Variants in ADRA1A observed in about 807,000 individuals in gnomAD.
The protein encoded by ADRA1A is alpha-1A adrenergic receptor.
Under a neutral mutation model 29.6 loss-of-function variants are expected in ADRA1A, and 31 were observed. The observed-to-expected ratio is 1.05, with a 90% CI of 0.79 to 1.41. The LOEUF (loss-of-function observed/expected upper bound fraction) is 1.41. Ranked by LOEUF, ADRA1A falls within the 40% of genes most tolerant of loss-of-function variation. ADRA1A has a pLI of 0.00. For missense variants in ADRA1A, 619 were observed against 601.1 expected (o/e 1.03, Z -0.31); for synonymous variants, 311 against 254.3 (o/e 1.22, Z -2.12).
At chr8:26,837,842 A>C (rs1388085802) in intron 2 of ADRA1A, among the ~76,000 whole-genome samples, 1 of 152,138 alleles carries the variant, frequency 6.6e-6, no homozygotes, top group Non-Finnish European at 1.5e-5. Flanking sequence ...GAAGCTCAGT[A>C]CCTCCCATGT....
intron 2 of ADRA1A, among the ~76,000 whole-genome samples, chr8:26,802,453 G>A (rs915122983): frequency 1.1e-4 from 16 of 152,214 alleles, no homozygotes; most frequent in South Asian, 6.2e-4. Context: ...ACATACAAAT[G>A]GCAAACAGGC....
At chr8:26,807,046 CTT>C (rs1194074203) in intron 2 of ADRA1A, among the ~76,000 whole-genome samples, 2 of 152,204 alleles carry the variant, frequency 1.3e-5, no homozygotes, top group African/African-American at 4.8e-5. Context: ...TCCAGTAACT[CTT>C]GGCTTATCAA....
chr8:26,763,228 TC>T (rs1302257437), downstream of ADRA1A, among the ~76,000 whole-genome samples: 1 of 152,168 alleles, frequency 6.6e-6, no homozygotes, highest in Non-Finnish European at 1.5e-5. This position sits in a 1 kb window ranked among gnomAD's most constrained non-coding sequence, Gnocchi z 4.5. Flanking sequence ...GGGTGCCATG[TC>T]CAGGAGGCCT....
At chr8:26,795,042 T>G (rs28641618) in intron 2 of ADRA1A, among the ~76,000 whole-genome samples, 21,785 of 152,068 alleles carry the variant, frequency 0.14, 1,601 homozygotes, top group Middle Eastern at 0.24. Flanking sequence ...CTAAAAAAAC[T>G]AAGAAACAAT....
At chr8:26,862,542 G>A (rs139074739) in intron 2 of ADRA1A, among the ~76,000 whole-genome samples, 21 of 152,278 alleles carry the variant, frequency 1.4e-4, no homozygotes, top group Non-Finnish European at 2.6e-4. Context: ...CTTGTTGAGC[G>A]AGCACACGCA....
chr8:26,768,366 C>T (rs938164499), downstream of ADRA1A, among the ~76,000 whole-genome samples: 24 of 152,150 alleles, frequency 1.6e-4, no homozygotes, highest in Non-Finnish European at 7.4e-5. Flanking sequence ...TGATTGTTGT[C>T]GAGAATTATT....
intron 2 of ADRA1A, among the ~76,000 whole-genome samples, chr8:26,838,519 C>A (rs1359943187): frequency 1.3e-5 from 2 of 152,112 alleles, no homozygotes; most frequent in Admixed American, 1.3e-4. Context: ...TGTGCTTAGG[C>A]CCTGAGGATT....
chr8:26,764,462 G>C (rs931355663), downstream of ADRA1A, among the ~76,000 whole-genome samples: 1 of 152,216 alleles, frequency 6.6e-6, no homozygotes, highest in Admixed American at 6.5e-5. Flanking sequence ...AGGAGAGAAA[G>C]TGCCAATAGA....
rs553182649 is a variant in ADRA1A at position 26,810,511 on chromosome 8, G to A, written c.884-39845C>T. 2.6e-5 allele frequency among the ~76,000 whole-genome samples: 4 copies of A among 152,294 alleles called. No homozygotes were observed. The East Asian group carries it at 5.8e-4, about 22-fold the overall frequency. ...CTTAGTTGAAGGTAACAGTATTTAC[G>A]GGATGACCTAAAACAATTCAAATAA... On this transcript the variant is annotated intron_variant, in intron 2 of 2. Coordinates refer to ENST00000380573, the MANE Select transcript of ADRA1A (RefSeq NM_000680.4).
Position 26,866,101 on chromosome 8 carries a change from G to A in ADRA1A, c.-686-446C>T, listed in dbSNP as rs1486923695. Among the ~76,000 whole-genome samples the A allele has an allele frequency of 6.6e-6, 1 of 152,144 alleles. No homozygotes were observed. On this transcript the variant is annotated intron_variant, in intron 1 of 2. Coordinates refer to ENST00000380573, the MANE Select transcript of ADRA1A (RefSeq NM_000680.4). The surrounding 1 kb of genome is among the most constrained non-coding windows in gnomAD (Gnocchi z 5.7). ...AGGTTGCCTCGCAGTCACCTGGAGG[G>A]GGCGGCCTGGGAGAGGGAACAGCTG...
Position 26,864,529 on chromosome 8 carries a change from C to A in ADRA1A, c.441G>T (p.Leu147=). Reference sequence around the variant, plus strand: ...CCAGGGAGAGTGCCCAGACGCAGAGCAGAGCCATGAGACCCCTCCTCTGGG... The same window carrying A: ...CCAGGGAGAGTGCCCAGACGCAGAGAAGAGCCATGAGACCCCTCCTCTGGG... ...IVTQRRGLMA[L]LCVWALSLVI... Residue 147 remains leucine (L), a synonymous_variant, in exon 2 of 3, where the codon CTG becomes CTT. Transcript: ENST00000380573. The surrounding 1 kb of genome is among the most constrained non-coding windows in gnomAD (Gnocchi z 8.1). 6.2e-7 allele frequency: 1 copy of A among 1,614,116 alleles called. No homozygotes were observed. The highest frequency in any genetic ancestry group is 8.5e-7 in the Non-Finnish European group (1 of 1,180,032).
rs1053736589 is a variant in ADRA1A at position 26,821,659 on chromosome 8, G to A, written c.883+42428C>T. ...AAACTACGGTACAATATCACAACCAGGATATTGACAACGATACAGTCAAGA... is the reference window on the plus strand; with the variant it reads ...AAACTACGGTACAATATCACAACCAAGATATTGACAACGATACAGTCAAGA... On this transcript the variant is annotated intron_variant, in intron 2 of 2. Transcript: ENST00000380573. The surrounding 1 kb of genome is among the most constrained non-coding windows in gnomAD (Gnocchi z 5.6). 2.0e-5 allele frequency among the ~76,000 whole-genome samples: 3 copies of A among 152,112 alleles called. No individual in the cohort carries two copies. Among genetic ancestry groups the A allele is most frequent in the African/African-American group, 7.2e-5 (3 of 41,432 alleles).
intron 2 of ADRA1A, among the ~76,000 whole-genome samples, chr8:26,758,909 G>T (rs551254273): frequency 6.6e-6 from 1 of 151,822 alleles, no homozygotes; most frequent in South Asian, 2.1e-4. Context: ...ATTTTTTTTT[G>T]TAATGTGACT....
Position 26,865,029 on chromosome 8 carries a change from G to A in ADRA1A, c.-60C>T. The A allele has an allele frequency of 6.6e-7, 1 of 1,522,958 alleles. No homozygotes were observed. The highest frequency in any genetic ancestry group is 8.7e-7 in the Non-Finnish European group (1 of 1,144,224). The allele number at this position is 1,522,958 out of a possible 1,614,324, so 94.3% of individuals were successfully genotyped here. ...CAGGGCCACCTCCCGGGCTGGCGCG[G>A]AGGCGGGAGCGCGGGAGCCGGGAAT... On this transcript the variant is annotated 5_prime_UTR_variant, in exon 2 of 3. Transcript: ENST00000380573. This position sits in a 1 kb window ranked among gnomAD's most constrained non-coding sequence, Gnocchi z 7.6.
intron 2 of ADRA1A, among the ~76,000 whole-genome samples, chr8:26,844,455 A>G (rs749953373): frequency 2.0e-5 from 3 of 152,206 alleles, no homozygotes; most frequent in Non-Finnish European, 2.9e-5. Flanking sequence ...TAATTACAGA[A>G]CTTACTACAA....
At chr8:26,750,753 G>A in intron 2 of ADRA1A, among the ~76,000 whole-genome samples, 1 of 152,206 alleles carries the variant, frequency 6.6e-6, no homozygotes, top group Non-Finnish European at 1.5e-5. Flanking sequence ...TGGCAACACA[G>A]CTCTCCTGGT....
At chr8:26,851,742 A>C (rs1421163932) in intron 2 of ADRA1A, among the ~76,000 whole-genome samples, 2 of 152,216 alleles carry the variant, frequency 1.3e-5, no homozygotes, top group African/African-American at 4.8e-5. Context: ...AAGCAAAAAC[A>C]TAAACATATA....
intron 2 of ADRA1A, among the ~76,000 whole-genome samples, chr8:26,808,997 C>A (rs916513252): frequency 6.6e-6 from 1 of 152,114 alleles, no homozygotes; most frequent in African/African-American, 2.4e-5. Context: ...GAGAAACTTG[C>A]TTTCTCTTTA....
At chr8:26,843,836 T>C (rs1007172419) in intron 2 of ADRA1A, among the ~76,000 whole-genome samples, 3 of 152,212 alleles carry the variant, frequency 2.0e-5, no homozygotes, top group Admixed American at 6.5e-5. Context: ...TCTGAAGGAA[T>C]TCACAAACGG....
Sources: allele counts gnomAD v4.1 joint callset (sites outside exome capture counted in the v4.1 genomes callset), GRCh38; gene constraint gnomAD v4.1.1; non-coding constraint Gnocchi (gnomAD v3.1); transcripts MANE v1.5; gene names NCBI Gene and HGNC (gene_info 2026-07-23, HGNC 2026-07-21).